The following ACVR1C variants were observed in gnomAD, a reference collection of about 807,000 sequenced individuals.
ACVR1C encodes the protein activin A receptor type 1C.
A neutral mutation model predicts 57.9 loss-of-function variants in ACVR1C; 23 were observed. The ratio of observed to expected loss-of-function variants is 0.40; its 90% CI spans 0.29 to 0.56. The LOEUF is 0.56. ACVR1C is among the 20% of genes least tolerant of loss of function. The pLI, the probability that ACVR1C is intolerant of heterozygous loss-of-function variation, is 0.50. For missense variants in ACVR1C, 480 were observed against 607.9 expected (o/e 0.79, Z 2.21); for synonymous variants, 214 against 215.3 (o/e 0.99, Z 0.05).
At position 157,544,563 on chromosome 2, in the gene ACVR1C, C is replaced by T. The variant is rs1021664756; in HGVS notation, c.825G>A (p.Gln275=). 4 of 1,613,718 alleles carry T rather than the reference C, an allele frequency of 2.5e-6. No individual in the cohort carries two copies. The highest frequency in any genetic ancestry group is 3.4e-6 in the Non-Finnish European group (4 of 1,179,764). The change falls in exon 5 of 9, where the codon CAG becomes CAA. Residue 275 remains glutamine (Q), a synonymous_variant. Transcript: ENST00000243349. ...TATTCAAATAGTCATATAAGGAGCCCTGTTCATGATATTCAGATACCAGCC... is the reference window on the plus strand; with the variant it reads ...TATTCAAATAGTCATATAAGGAGCCTTGTTCATGATATTCAGATACCAGCC... The part of the protein sequence containing the change: ...QLWLVSEYHE[Q]GSLYDYLNRN...
chr2:157,558,377 A>G (rs988867487), intron 2 of ACVR1C, among the ~76,000 whole-genome samples: 7 of 152,338 alleles, frequency 4.6e-5, no homozygotes, highest in East Asian at 3.9e-4. Context: ...AATATCTTAG[A>G]CGTTCTTGCA....
chr2:157,551,147 A>G (rs926347280), intron 3 of ACVR1C, among the ~76,000 whole-genome samples: 2 of 151,022 alleles, frequency 1.3e-5, no homozygotes, highest in Non-Finnish European at 2.9e-5. Context: ...TAATTGTGAA[A>G]TAAAGTGCAG....
chr2:157,598,717 T>C (rs1412590654), intron 1 of ACVR1C, among the ~76,000 whole-genome samples: 3 of 151,994 alleles, frequency 2.0e-5, no homozygotes, highest in African/African-American at 7.2e-5. Flanking sequence ...TTTGTATTTT[T>C]AGTAGAGGCA....
At chr2:157,621,966 T>C (rs1682785534) in intron 1 of ACVR1C, among the ~76,000 whole-genome samples, 1 of 152,168 alleles carries the variant, frequency 6.6e-6, no homozygotes, top group Non-Finnish European at 1.5e-5. Flanking sequence ...AAAGTTACTT[T>C]GCCTTGTTTC....
chr2:157,554,264 A>AAAGAAAGAAAGAAAGG (rs1688018034), intron 3 of ACVR1C, among the ~76,000 whole-genome samples: 1 of 127,410 alleles, frequency 7.8e-6, no homozygotes, highest in African/African-American at 4.2e-5. Context: ...AGAAAGAAAG[A>AAAGAAAGAAAGAAAGG]AAGAAAGGAA....
intron 1 of ACVR1C, among the ~76,000 whole-genome samples, chr2:157,588,012 G>A (rs952853386): frequency 6.6e-6 from 1 of 151,950 alleles, no homozygotes; most frequent in African/African-American, 2.4e-5. Context: ...GCATTGGTGA[G>A]CCACTATATT....
At chr2:157,535,556 G>A (rs567676095) in intron 8 of ACVR1C, among the ~76,000 whole-genome samples, 42 of 152,196 alleles carry the variant, frequency 2.8e-4, no homozygotes, top group Non-Finnish European at 5.6e-4. Flanking sequence ...GGCCAGGTGC[G>A]GTGGCTCACA....
intron 7 of ACVR1C, 125 bp downstream of exon 7, chr2:157,540,965 A>G (rs1687612781): frequency 1.7e-6 from 2 of 1,189,282 alleles, no homozygotes; most frequent in South Asian, 3.6e-5. Context: ...TATCACCAAA[A>G]GGTATTCTCT....
chr2:157,581,291 G>C (rs1379935443), intron 2 of ACVR1C, among the ~76,000 whole-genome samples: 1 of 151,968 alleles, frequency 6.6e-6, no homozygotes, highest in Non-Finnish European at 1.5e-5. Context: ...ACCAAACCCA[G>C]AGAGACTATA....
chr2:157,614,109 G>A (rs938396417), intron 1 of ACVR1C, among the ~76,000 whole-genome samples: 5 of 152,108 alleles, frequency 3.3e-5, no homozygotes, highest in African/African-American at 4.8e-5. Flanking sequence ...TATCTTTCAA[G>A]GAATTTGCTC....
chr2:157,541,877 G>T (rs867776457), intron 6 of ACVR1C, among the ~76,000 whole-genome samples: 19 of 152,278 alleles, frequency 1.2e-4, no homozygotes, highest in Middle Eastern at 6.8e-3. Context: ...CAAGAAAATA[G>T]TTTGGTTGTT....
intron 1 of ACVR1C, among the ~76,000 whole-genome samples, chr2:157,587,760 A>G (rs1400314654): frequency 1.3e-5 from 2 of 152,060 alleles, no homozygotes; most frequent in African/African-American, 4.8e-5. Context: ...ACAGTATCAC[A>G]GCAACCAAGG....
At chr2:157,583,854 A>G (rs1382679651) in intron 2 of ACVR1C, among the ~76,000 whole-genome samples, 1 of 152,198 alleles carries the variant, frequency 6.6e-6, no homozygotes. Context: ...AATAACACAA[A>G]TTAAGTTGAA....
intron 1 of ACVR1C, among the ~76,000 whole-genome samples, chr2:157,622,853 C>T (rs748061039): frequency 3.3e-5 from 5 of 152,048 alleles, no homozygotes; most frequent in Non-Finnish European, 7.4e-5. Context: ...TTGCAAACTA[C>T]CCCTCTCACA....
intron 8 of ACVR1C, 23 bp downstream of exon 8, chr2:157,538,550 T>G: frequency 6.5e-7 from 1 of 1,532,188 alleles, no homozygotes; most frequent in Non-Finnish European, 8.7e-7. Context: ...ATAAGAAAAA[T>G]ATAGATAAAA....
At chr2:157,539,065 A>T (rs1687558995) in intron 7 of ACVR1C, among the ~76,000 whole-genome samples, 2 of 151,314 alleles carry the variant, frequency 1.3e-5, no homozygotes, top group South Asian at 4.1e-4. Context: ...TTTTTACTCA[A>T]TTAAAATGCC....
chr2:157,610,180 A>T (rs1350738045), intron 1 of ACVR1C, among the ~76,000 whole-genome samples: 4 of 151,882 alleles, frequency 2.6e-5, no homozygotes, highest in Non-Finnish European at 5.9e-5. Flanking sequence ...AATCTTTTTC[A>T]TGATGGTTGT....
chr2:157,545,862 C>T (rs753333175), intron 4 of ACVR1C, among the ~76,000 whole-genome samples: 6 of 152,126 alleles, frequency 3.9e-5, no homozygotes, highest in Non-Finnish European at 5.9e-5. Context: ...GCAACCTGTG[C>T]CTCCTGGGTT....
intron 1 of ACVR1C, among the ~76,000 whole-genome samples, chr2:157,588,882 T>TATATATAC (rs1165852661): frequency 3.0e-5 from 4 of 135,132 alleles, no homozygotes; most frequent in African/African-American, 1.1e-4. Flanking sequence ...TATATATACG[T>TATATATAC]GTGTGTGTAT....
Sources: allele counts gnomAD v4.1 joint callset (sites outside exome capture counted in the v4.1 genomes callset), GRCh38; gene constraint gnomAD v4.1.1; transcripts MANE v1.5; gene names NCBI Gene and HGNC (gene_info 2026-07-23, HGNC 2026-07-21).